Variants in NAA11 observed in about 807,000 individuals in gnomAD.
NAA11 encodes the protein N-alpha-acetyltransferase 11.
NAA11 carries 15 observed loss-of-function variants against 16.1 expected under a neutral mutation model. The ratio of observed to expected loss-of-function variants is 0.93; its 90% CI spans 0.62 to 1.44. NAA11 has a LOEUF of 1.44. NAA11 is among the 40% of genes most tolerant of loss of function. The pLI, the probability that NAA11 is intolerant of heterozygous loss-of-function variation, is 0.00. For synonymous variants in NAA11, 122 were observed against 112.4 expected (o/e 1.09, Z -0.54); for missense variants, 298 against 291.3 (o/e 1.02, Z -0.17).
chr4:79,177,395 T>C, the NAA11 span, among the ~76,000 whole-genome samples: 1 of 62,472 alleles, frequency 1.6e-5, no homozygotes, highest in African/African-American at 4.0e-5. Context: ...CCCTCTCTTT[T>C]TGACTTATCA....
At chr4:79,189,197 CAA>C in the NAA11 span, among the ~76,000 whole-genome samples, 1 of 127,468 alleles carries the variant, frequency 7.8e-6, no homozygotes, top group African/African-American at 2.8e-5. Context: ...TTCAAAGAGA[CAA>C]GAGGAGAACT....
At chr4:79,270,763 G>GC (rs1319832113) in intron 2 of NAA11, among the ~76,000 whole-genome samples, 1 of 72,910 alleles carries the variant, frequency 1.4e-5, no homozygotes, top group Non-Finnish European at 2.5e-5. Flanking sequence ...TATAAACAGA[G>GC]CCAAAGACAA....
Position 79,325,911 on chromosome 4 carries a change from G to C in NAA11, c.-34C>G. On this transcript the variant is annotated 5_prime_UTR_variant, in exon 1 of 2. Transcript: ENST00000286794. ...AGGGTAGGGAACCGGTTGGACTGCA[G>C]TGAACCCAGAAGAGGCTGTCGCCGA... 4 of 1,570,808 alleles carry C rather than the reference G, an allele frequency of 2.5e-6. No individual in the cohort carries two copies. The highest frequency in any genetic ancestry group is 3.5e-6 in the Non-Finnish European group (4 of 1,155,990).
the NAA11 span, among the ~76,000 whole-genome samples, chr4:79,199,896 A>G: frequency 6.6e-6 from 1 of 151,892 alleles, no homozygotes; most frequent in Non-Finnish European, 1.5e-5. Context: ...TGTTCATGGT[A>G]TTCCTATTAT....
At chr4:79,198,417 ATAAC>A in the NAA11 span, among the ~76,000 whole-genome samples, 3 of 151,962 alleles carry the variant, frequency 2.0e-5, no homozygotes, top group South Asian at 6.2e-4. Flanking sequence ...ATGGGAATCA[ATAAC>A]TAAGAAGAAT....
chr4:79,303,568 T>G (rs987674040), intron 1 of NAA11, among the ~76,000 whole-genome samples: 3 of 152,202 alleles, frequency 2.0e-5, no homozygotes, highest in Non-Finnish European at 4.4e-5. Context: ...TGAAAGTAGC[T>G]AGCTGTTCAG....
At chr4:79,309,957 C>T (rs960283873) in intron 1 of NAA11, among the ~76,000 whole-genome samples, 25 of 152,144 alleles carry the variant, frequency 1.6e-4, no homozygotes, top group African/African-American at 5.3e-4. Context: ...CCTCGTGATC[C>T]GCCCACCTCA....
chr4:79,217,536 C>G, the NAA11 span, among the ~76,000 whole-genome samples: 19 of 152,116 alleles, frequency 1.2e-4, no homozygotes, highest in Non-Finnish European at 2.6e-4. Context: ...AATCTTGTGT[C>G]TAACACTAAT....
rs892880360 is a variant in NAA11, at chr4:79,255,565, CTT to C, written c.*123-29297_*123-29296del. ...TCTCTTGTAAACTGCATTTAATTGT[CTT>C]TTTACCAAAAAACAATATTAATCTT... On this transcript the variant is annotated intron_variant and NMD_transcript_variant, in intron 2 of 2. Transcript: ENST00000511542. Among the ~76,000 whole-genome samples the C allele has an allele frequency of 7.9e-5, 12 of 152,130 alleles. 1 individual carries two copies. The highest frequency in any genetic ancestry group is 2.9e-4 in the African/African-American group (12 of 41,508).
chr4:79,204,232 T>TA, the NAA11 span, among the ~76,000 whole-genome samples: 1 of 151,858 alleles, frequency 6.6e-6, no homozygotes, highest in Admixed American at 6.6e-5. Context: ...CAATGTTGTT[T>TA]ACACTAAGGA....
intron 2 of NAA11, among the ~76,000 whole-genome samples, chr4:79,230,486 T>C (rs980834596): frequency 1.8e-4 from 21 of 117,340 alleles, no homozygotes; most frequent in African/African-American, 6.0e-4. Flanking sequence ...TATGTCCACA[T>C]TTATCTCCTA....
Position 79,325,865 on chromosome 4 carries a change from T to G in NAA11, c.13A>C (p.Asn5His). Residue 5 changes from asparagine to histidine, a missense_variant, in exon 1 of 2, where the codon AAC becomes CAC. By Grantham distance (68) the Asn-to-His change is moderately conservative (BLOSUM62 1). Transcript: ENST00000286794. ...TTCATCAGGTCGTCTGGCTGAGCGT[T>G]GCGGATGTTCATAATGGCAGAGGGT... MNIR[N>H]AQPDDLMNMQ... 6.2e-7 allele frequency: 1 copy of G among 1,609,300 alleles called. No individual in the cohort carries two copies. The highest frequency in any genetic ancestry group is 8.5e-7 in the Non-Finnish European group (1 of 1,177,090).
At chr4:79,325,096 G>T in intron 1 of NAA11, 80 bp downstream of exon 1, 1 of 1,282,370 alleles carries the variant, frequency 7.8e-7, no homozygotes, top group South Asian at 1.5e-5. Flanking sequence ...AATGGGGTAA[G>T]ACAGGATGGA....
At chr4:79,266,996 A>T (rs1254261280) in intron 2 of NAA11, among the ~76,000 whole-genome samples, 1 of 152,244 alleles carries the variant, frequency 6.6e-6, no homozygotes, top group Non-Finnish European at 1.5e-5. Context: ...AAGCATGTTT[A>T]GCTAAATTAT....
intron 1 of NAA11, among the ~76,000 whole-genome samples, chr4:79,296,686 ATTGAAGGCTCTCT>A (rs1328661680): frequency 6.6e-6 from 1 of 152,160 alleles, no homozygotes. Flanking sequence ...TGTGTCTGGC[ATTGAAGGCTCTCT>A]TTTCTTTGTC....
the NAA11 span, among the ~76,000 whole-genome samples, chr4:79,188,394 G>T: frequency 2.0e-5 from 3 of 152,034 alleles, no homozygotes; most frequent in Non-Finnish European, 2.9e-5. Context: ...GACCATCCTG[G>T]CTAACGCGGT....
chr4:79,182,374 A>G, the NAA11 span, among the ~76,000 whole-genome samples: 1 of 152,216 alleles, frequency 6.6e-6, no homozygotes, highest in Non-Finnish European at 1.5e-5. Flanking sequence ...TAGGAAAATC[A>G]ATACTAATGG....
At chr4:79,248,784 C>T (rs537423957) in intron 2 of NAA11, among the ~76,000 whole-genome samples, 1 of 152,334 alleles carries the variant, frequency 6.6e-6, no homozygotes, top group African/African-American at 2.4e-5. Flanking sequence ...GCCATGCTGC[C>T]ACCACTGCTG....
At chr4:79,166,367 T>A in the NAA11 span, among the ~76,000 whole-genome samples, 1,539 of 151,986 alleles carry the variant, frequency 0.01, 23 homozygotes, top group African/African-American at 0.036. Context: ...AACTTTTTTT[T>A]AAGAGGCAGG....
Sources: allele counts gnomAD v4.1 joint callset (sites outside exome capture counted in the v4.1 genomes callset), GRCh38; gene constraint gnomAD v4.1.1; transcripts MANE v1.5; gene names NCBI Gene and HGNC (gene_info 2026-07-23, HGNC 2026-07-21).